The following GUCY1B1 variants were observed in gnomAD, a reference collection of about 807,000 sequenced individuals.
The protein encoded by GUCY1B1 is guanylate cyclase soluble subunit beta-1.
In GUCY1B1, 43 loss-of-function variants were observed where a neutral mutation model predicts 71.0. The ratio of observed to expected loss-of-function variants is 0.61; its 90% CI spans 0.47 to 0.78. GUCY1B1 has a LOEUF of 0.78. GUCY1B1 is among the 30% of genes least tolerant of loss of function. The pLI is 0.00. For synonymous variants in GUCY1B1, 266 were observed against 259.7 expected (o/e 1.02, Z -0.23); for missense variants, 535 against 754.1 (o/e 0.71, Z 3.40).
chr4:155,765,135 T>C (rs935149918), intron 2 of GUCY1B1, among the ~76,000 whole-genome samples: 3 of 152,192 alleles, frequency 2.0e-5, no homozygotes, highest in Admixed American at 1.3e-4. Flanking sequence ...TTCTCACTCT[T>C]AATGTACCCA....
chr4:155,778,289 A>C (rs1738192588), intron 4 of GUCY1B1, among the ~76,000 whole-genome samples: 1 of 152,270 alleles, frequency 6.6e-6, no homozygotes, highest in Non-Finnish European at 1.5e-5. Context: ...AGATTGTACT[A>C]GTAAATTACA....
chr4:155,800,553 C>A (rs1739875856), intron 9 of GUCY1B1, among the ~76,000 whole-genome samples: 1 of 152,120 alleles, frequency 6.6e-6, no homozygotes, highest in Non-Finnish European at 1.5e-5. Context: ...ATGAATCTGA[C>A]AAATTGTAAT....
rs1739998000 is a variant in GUCY1B1, at chr4:155,802,189, G to A, written c.1176-153G>A. 2 of 1,470,796 alleles carry A rather than the reference G, an allele frequency of 1.4e-6. No individual in the cohort carries two copies. Among genetic ancestry groups the A allele is most frequent in the Non-Finnish European group, 9.0e-7 (1 of 1,110,120 alleles). The allele number at this position is 1,470,796 out of a possible 1,614,324, so 91.1% of individuals were successfully genotyped here. On this transcript the variant is annotated intron_variant, in intron 9 of 13. Coordinates refer to ENST00000264424, the MANE Select transcript of GUCY1B1 (RefSeq NM_000857.5). This position sits in a 1 kb window ranked among gnomAD's most constrained non-coding sequence, Gnocchi z 4.3. ...CTGTAAATCCTTGCTTATAAATACA[G>A]CTAATATTTGATGCTAATTTTAGAG...
intron 3 of GUCY1B1, among the ~76,000 whole-genome samples, chr4:155,777,192 G>C (rs1237157592): frequency 6.6e-6 from 1 of 152,198 alleles, no homozygotes; most frequent in East Asian, 1.9e-4. Flanking sequence ...CACTTGTAGT[G>C]TCACGTTGGT....
chr4:155,759,685 G>C, intron 1 of GUCY1B1, 102 bp from the exon 2 acceptor site: 1 of 790,928 alleles, frequency 1.3e-6, no homozygotes, highest in Non-Finnish European at 2.1e-6. Flanking sequence ...CGGGGTGAAA[G>C]GTTAAGCCAG....
Position 155,802,671 on chromosome 4 carries a change from T to C in GUCY1B1, c.1413+92T>C. The C allele has an allele frequency of 9.1e-7, 1 of 1,094,354 alleles. No individual in the cohort carries two copies. Among genetic ancestry groups the C allele is most frequent in the Non-Finnish European group, 1.3e-6 (1 of 770,998 alleles). 67.8% of individuals were successfully genotyped at this position (1,094,354 alleles called of 1,614,324 possible). ...GGCCATGTCATCACAGCTCTCTGAC[T>C]CCAGCACTGCAGCCTTGAGTACAGT... On this transcript the variant is annotated intron_variant, in intron 10 of 13. Coordinates refer to ENST00000264424, the MANE Select transcript of GUCY1B1 (RefSeq NM_000857.5). This position sits in a 1 kb window ranked among gnomAD's most constrained non-coding sequence, Gnocchi z 4.3.
At chr4:155,793,107 G>A (rs1424546989) in intron 5 of GUCY1B1, among the ~76,000 whole-genome samples, 3 of 151,782 alleles carry the variant, frequency 2.0e-5, no homozygotes, top group Non-Finnish European at 4.4e-5. Flanking sequence ...ACAGAGTCTC[G>A]TTCTGTCGCC....
chr4:155,791,136 A>G (rs538984660), intron 5 of GUCY1B1, among the ~76,000 whole-genome samples: 68 of 149,718 alleles, frequency 4.5e-4, no homozygotes, highest in Admixed American at 1.3e-3. Flanking sequence ...TTTTTTTGAG[A>G]CAGAGTCTCA....
chr4:155,759,737 T>G, intron 1 of GUCY1B1, 50 bp from the exon 2 acceptor site: 1 of 1,399,558 alleles, frequency 7.1e-7, no homozygotes. Flanking sequence ...CCAAGCCGCT[T>G]CTCAGGTACA....
At chr4:155,781,938 T>A (rs180810399) in intron 4 of GUCY1B1, among the ~76,000 whole-genome samples, 1 of 152,148 alleles carries the variant, frequency 6.6e-6, no homozygotes, top group African/African-American at 2.4e-5. Context: ...CCTGGGTATA[T>A]TGTTTTAAAG....
At chr4:155,796,113 A>T (rs546524382) in intron 7 of GUCY1B1, among the ~76,000 whole-genome samples, 31 of 152,340 alleles carry the variant, frequency 2.0e-4, no homozygotes, top group African/African-American at 7.5e-4. Context: ...GATAAAAAAG[A>T]TTCACAAAAG....
At chr4:155,759,265 G>A (rs1462082854) in intron 1 of GUCY1B1, 122 bp downstream of exon 1, 3 of 971,234 alleles carry the variant, frequency 3.1e-6, no homozygotes, top group Non-Finnish European at 1.5e-6. Flanking sequence ...TGCCGGCCAC[G>A]GGAGCAGCCT....
chr4:155,802,828 A>G lies in GUCY1B1; in HGVS notation c.1413+249A>G, dbSNP rs1231134093. On this transcript the variant is annotated intron_variant, in intron 10 of 13. Transcript: ENST00000264424. This position sits in a 1 kb window ranked among gnomAD's most constrained non-coding sequence, Gnocchi z 4.3. ...CCCTGGTTAAAATGAAATGTTCACCATCTTATTTGCACTTAGGCTAACAAA... is the reference window on the plus strand; with the variant it reads ...CCCTGGTTAAAATGAAATGTTCACCGTCTTATTTGCACTTAGGCTAACAAA... Among the ~76,000 whole-genome samples the G allele has an allele frequency of 6.6e-6, 1 of 152,224 alleles. No homozygotes were observed. The highest frequency in any genetic ancestry group is 1.9e-4 in the East Asian group (1 of 5,202).
intron 9 of GUCY1B1, among the ~76,000 whole-genome samples, chr4:155,800,895 GT>G (rs755051885): frequency 9.9e-5 from 15 of 152,072 alleles, no homozygotes; most frequent in Non-Finnish European, 1.9e-4. Context: ...GGGTTTGTAG[GT>G]TTGAGTTACT....
intron 2 of GUCY1B1, among the ~76,000 whole-genome samples, chr4:155,764,643 T>C (rs1024558646): frequency 2.0e-5 from 3 of 152,150 alleles, no homozygotes; most frequent in Admixed American, 2.0e-4. Flanking sequence ...GTAAACCAGA[T>C]CATTGTTAGG....
intron 2 of GUCY1B1, among the ~76,000 whole-genome samples, chr4:155,767,557 A>G (rs1234199456): frequency 6.6e-6 from 1 of 152,116 alleles, no homozygotes; most frequent in African/African-American, 2.4e-5. Flanking sequence ...AAACTAAGGT[A>G]TGGGTGTCAC....
At position 155,759,116 on chromosome 4, in the gene GUCY1B1, C is replaced by T; in HGVS notation, c.-25C>T. ...GGCCGTACCTCTGCGTGGGGGCTGC[C>T]TCCCCGGCTCCCGGTGCAGACACCA... is the stretch of plus-strand genomic sequence containing the variant. On this transcript the variant is annotated 5_prime_UTR_variant, in exon 1 of 14. Coordinates refer to ENST00000264424, the MANE Select transcript of GUCY1B1 (RefSeq NM_000857.5). 1.3e-6 allele frequency: 2 copies of T among 1,590,776 alleles called. No homozygotes were observed. The highest frequency in any genetic ancestry group is 1.7e-6 in the Non-Finnish European group (2 of 1,169,378).
intron 4 of GUCY1B1, among the ~76,000 whole-genome samples, chr4:155,783,030 A>C (rs983043111): frequency 6.6e-6 from 1 of 152,248 alleles, no homozygotes. Flanking sequence ...ATTTAGCCAG[A>C]CAACCCACAG....
intron 4 of GUCY1B1, 121 bp downstream of exon 4, chr4:155,777,763 G>A: frequency 1.8e-6 from 1 of 555,214 alleles, no homozygotes; most frequent in Non-Finnish European, 3.2e-6. Context: ...TGGAATCGTA[G>A]TCACCTTTTT....
Sources: allele counts gnomAD v4.1 joint callset (sites outside exome capture counted in the v4.1 genomes callset), GRCh38; gene constraint gnomAD v4.1.1; non-coding constraint Gnocchi (gnomAD v3.1); transcripts MANE v1.5; gene names NCBI Gene and HGNC (gene_info 2026-07-23, HGNC 2026-07-21).